Variants in NTRK1 observed in about 807,000 individuals in gnomAD.
NTRK1 encodes neurotrophic receptor tyrosine kinase 1, also known as high affinity nerve growth factor receptor.
Under a neutral mutation model 86.8 loss-of-function variants are expected in NTRK1, and 62 were observed. The ratio of observed to expected loss-of-function variants is 0.71; its 90% CI spans 0.58 to 0.88. NTRK1 has a LOEUF of 0.88. Among genes scored for constraint, NTRK1 ranks in the 40% least tolerant of loss-of-function variants. The pLI is 0.00. For synonymous variants in NTRK1, 469 were observed against 456.6 expected (o/e 1.03, Z -0.35); for missense variants, 967 against 1,078.4 (o/e 0.90, Z 1.45).
In NTRK1 at chr1:156,854,075, C is replaced by T. The variant is rs774380427; in HGVS notation, c.51-10279C>T. The T allele has an allele frequency of 6.3e-5, 101 of 1,614,066 alleles. No homozygotes were observed. The highest frequency in any genetic ancestry group is 5.8e-4 in the East Asian group (26 of 44,892). ...ATAGCCCAGGAAGAGGCGCGTCCCG[C>T]GGATGACTGCTAGGTTGGGGAAGAG... On this transcript the variant is annotated intron_variant, in intron 2 of 16. Coordinates refer to the NTRK1 transcript ENST00000392302. The surrounding 1 kb of genome is among the most constrained non-coding windows in gnomAD (Gnocchi z 4.2).
intron 1 of NTRK1, among the ~76,000 whole-genome samples, chr1:156,824,125 C>T (rs567688988): frequency 2.6e-5 from 4 of 152,296 alleles, no homozygotes; most frequent in African/African-American, 4.8e-5. Flanking sequence ...TTATTCCTTT[C>T]GGAGCCCTGC....
chr1:156,841,832 A>G (rs1293135161), intron 1 of NTRK1: 5 of 1,614,068 alleles, frequency 3.1e-6, no homozygotes, highest in Non-Finnish European at 4.2e-6. Flanking sequence ...GGTGTGGGGC[A>G]TAAGAGCCAC....
intron 2 of NTRK1, 27 bp downstream of exon 2, chr1:156,864,455 G>T (rs201214852): frequency 9.9e-6 from 16 of 1,609,434 alleles, no homozygotes; most frequent in Admixed American, 5.0e-5. Context: ...CTGTGGGTGT[G>T]GAGCTCAGCA....
chr1:156,823,164 T>C (rs1014148230), intron 1 of NTRK1, among the ~76,000 whole-genome samples: 4 of 152,162 alleles, frequency 2.6e-5, no homozygotes, highest in South Asian at 2.1e-4. Flanking sequence ...CACAAATAAG[T>C]TGCTGGATGT....
chr1:156,875,416 C>T (rs2102914580), intron 11 of NTRK1, 104 bp from the exon 12 acceptor site: 1 of 1,465,900 alleles, frequency 6.8e-7, no homozygotes, highest in Non-Finnish European at 9.5e-7. Flanking sequence ...CTCAGTCTCT[C>T]CCCTGCAAGT....
At chr1:156,830,751 TG>T (rs1486471844) in intron 1 of NTRK1, among the ~76,000 whole-genome samples, 2 of 151,970 alleles carry the variant, frequency 1.3e-5, no homozygotes, top group Non-Finnish European at 2.9e-5. Flanking sequence ...GATGGGGTTT[TG>T]CCATGTTGGC....
Position 156,879,343 on chromosome 1 carries a change from A to G in NTRK1, c.2027A>G (p.Tyr676Cys), listed in dbSNP as rs2102925230. The change falls in exon 15 of 17, where the codon TAC becomes TGC. Residue 676 changes from tyrosine to cysteine, a missense_variant. By Grantham distance (194) the Tyr-to-Cys change is radical (BLOSUM62 -2). Coordinates refer to ENST00000524377, the MANE Select transcript of NTRK1 (RefSeq NM_002529.4). ...IGDFGMSRDIYSTDYYRVGGR... is the reference protein window; with the variant it reads ...IGDFGMSRDICSTDYYRVGGR... ...GATTTTGGCATGAGCAGGGATATCTACAGCACCGACTATTACCGTGTAAGG... is the reference window on the plus strand; with the variant it reads ...GATTTTGGCATGAGCAGGGATATCTGCAGCACCGACTATTACCGTGTAAGG... 6.2e-7 allele frequency: 1 copy of G among 1,607,886 alleles called. No homozygotes were observed. Among genetic ancestry groups the G allele is most frequent in the Non-Finnish European group, 8.5e-7 (1 of 1,179,840 alleles).
intron 1 of NTRK1, chr1:156,840,540 G>T (rs1654731875): frequency 2.8e-6 from 1 of 356,468 alleles, no homozygotes; most frequent in Admixed American, 4.2e-5. Flanking sequence ...ACCCCAAACT[G>T]AGGGGCAGGG....
chr1:156,816,436 T>C (rs566750396), intron 1 of NTRK1, among the ~76,000 whole-genome samples: 3 of 152,324 alleles, frequency 2.0e-5, no homozygotes, highest in African/African-American at 7.2e-5. Flanking sequence ...TTCATCCTCC[T>C]GCTCCCTCCT....
At chr1:156,850,866 T>C (rs1655181969) in intron 2 of NTRK1, among the ~76,000 whole-genome samples, 1 of 152,208 alleles carries the variant, frequency 6.6e-6, no homozygotes, top group Non-Finnish European at 1.5e-5. Flanking sequence ...TCATTCTTTT[T>C]ATTTTAAAAA....
At chr1:156,840,633 C>A in intron 1 of NTRK1, 1 of 571,670 alleles carries the variant, frequency 1.7e-6, no homozygotes, top group Non-Finnish European at 3.1e-6. Context: ...CTGACCTGAT[C>A]TCTACTCCTC....
chr1:156,844,255 A>T, intron 2 of NTRK1: 2 of 1,613,750 alleles, frequency 1.2e-6, no homozygotes, highest in Non-Finnish European at 1.7e-6. Context: ...TGAGGAGGAC[A>T]TGCAGCCCCC....
At chr1:156,836,834 G>A (rs1320763803) in intron 1 of NTRK1, among the ~76,000 whole-genome samples, 1 of 151,004 alleles carries the variant, frequency 6.6e-6, no homozygotes, top group Non-Finnish European at 1.5e-5. Flanking sequence ...ATATTTCACA[G>A]GGCTGAATGA....
intron 2 of NTRK1, chr1:156,851,921 T>A (rs760703268): frequency 5.0e-5 from 80 of 1,596,208 alleles, no homozygotes; most frequent in Non-Finnish European, 6.7e-5. Context: ...AGAAGGGCAC[T>A]GGGCCAGGCA....
At position 156,876,087 on chromosome 1, in the gene NTRK1, C is replaced by A; in HGVS notation, c.1509C>A (p.His503Gln). The change falls in exon 13 of 17, where the codon CAC (histidine) becomes CAA (glutamine). Residue 503 changes from histidine to glutamine, a missense_variant. His to Gln is a conservative substitution (Grantham distance 24). Transcript: ENST00000524377. ...NPQYFSDACV[H>Q]HIKRRDIVLK... ...CCCTGCAAGCCCCCTCAGGTGTTCA[C>A]CACATCAAGCGCCGGGACATCGTGC... The A allele has an allele frequency of 1.9e-6, 3 of 1,614,210 alleles. No homozygotes were observed. Among genetic ancestry groups the A allele is most frequent in the Non-Finnish European group, 2.5e-6 (3 of 1,180,038 alleles).
upstream of NTRK1, among the ~76,000 whole-genome samples, chr1:156,856,721 TTGTGCCCAG>T (rs1571676201): frequency 6.6e-6 from 1 of 152,180 alleles, no homozygotes; most frequent in African/African-American, 2.4e-5. Context: ...TTTCCCCCAG[TTGTGCCCAG>T]TCCAGGGCTG....
intron 7 of NTRK1, among the ~76,000 whole-genome samples, chr1:156,872,381 ATTTT>A (rs1257720556): frequency 2.0e-5 from 3 of 151,950 alleles, no homozygotes; most frequent in Non-Finnish European, 4.4e-5. Flanking sequence ...TTTAAAAATA[ATTTT>A]TCTCAAATAT....
rs760720879 is a variant in NTRK1 at position 156,868,125 on chromosome 1, G to T, written c.450G>T (p.Leu150=). Residue 150 remains leucine (L), a synonymous_variant, in exon 5 of 17, where the codon CTG becomes CTT. Transcript: ENST00000524377. ...CCAGGGTCCTGTCGGGGAACCCTCT[G>T]CACTGTTCTTGTGCCCTGCGCTGGC... The part of the protein sequence containing the change: ...LQELVLSGNP[L]HCSCALRWLQ... The T allele has an allele frequency of 1.9e-6, 3 of 1,613,824 alleles. No individual in the cohort carries two copies. Among genetic ancestry groups the T allele is most frequent in the African/African-American group, 1.3e-5 (1 of 74,936 alleles).
chr1:156,822,827 C>A (rs1402416586), intron 1 of NTRK1, among the ~76,000 whole-genome samples: 7 of 151,948 alleles, frequency 4.6e-5, no homozygotes, highest in Admixed American at 4.6e-4. Flanking sequence ...GGTAGCAGCC[C>A]ATTAACAGTC....
Sources: allele counts gnomAD v4.1 joint callset (sites outside exome capture counted in the v4.1 genomes callset), GRCh38; gene constraint gnomAD v4.1.1; non-coding constraint Gnocchi (gnomAD v3.1); transcripts MANE v1.5; gene names NCBI Gene and HGNC (gene_info 2026-07-23, HGNC 2026-07-21).